Variants in CNBD1 observed in about 807,000 individuals in gnomAD.
CNBD1 encodes cyclic nucleotide-binding domain-containing protein 1.
In CNBD1, 71 loss-of-function variants were observed where a neutral mutation model predicts 54.4. The observed-to-expected ratio is 1.30, with a 90% CI of 1.08 to 1.59. CNBD1 has a LOEUF of 1.59. Ranked by LOEUF, CNBD1 falls within the 40% of genes most tolerant of loss-of-function variation. The pLI, the probability that CNBD1 is intolerant of heterozygous loss-of-function variation, is 0.00. For missense variants in CNBD1, 659 were observed against 518.0 expected (o/e 1.27, Z -2.64); for synonymous variants, 182 against 170.7 (o/e 1.07, Z -0.51).
intron 10 of CNBD1, among the ~76,000 whole-genome samples, chr8:87,360,166 G>A (rs1320090748): frequency 6.6e-6 from 1 of 151,888 alleles, no homozygotes; most frequent in East Asian, 1.9e-4. Context: ...TGTACTTCAA[G>A]ATAGGTAGAA....
chr8:87,284,929 A>G (rs2130870089), intron 7 of CNBD1, 114 bp downstream of exon 7: 2 of 742,160 alleles, frequency 2.7e-6, no homozygotes, highest in Non-Finnish European at 4.1e-6. Context: ...TTTTAATTTA[A>G]CCTAGAGACC....
At chr8:87,329,407 AG>A (rs1809766843) in intron 8 of CNBD1, among the ~76,000 whole-genome samples, 1 of 152,076 alleles carries the variant, frequency 6.6e-6, no homozygotes, top group African/African-American at 2.4e-5. Flanking sequence ...CTCCATACAC[AG>A]TTTTGAATTA....
chr8:87,242,632 T>A (rs141597344), intron 6 of CNBD1, among the ~76,000 whole-genome samples: 2 of 152,264 alleles, frequency 1.3e-5, no homozygotes, highest in East Asian at 3.9e-4. Flanking sequence ...ACATCTTACA[T>A]GTAATGATTG....
At chr8:86,873,919 A>C (rs1465547571) in intron 1 of CNBD1, among the ~76,000 whole-genome samples, 1 of 152,208 alleles carries the variant, frequency 6.6e-6, no homozygotes, top group Non-Finnish European at 1.5e-5. Flanking sequence ...ATTTTTAAAA[A>C]AACATTGTTA....
intron 6 of CNBD1, among the ~76,000 whole-genome samples, chr8:87,261,640 C>T (rs900463655): frequency 1.3e-5 from 2 of 151,768 alleles, no homozygotes; most frequent in Admixed American, 1.3e-4. Context: ...AATTTGAACA[C>T]TTAGCAGTCA....
At chr8:87,425,790 C>T (rs1808035650) in intron 2 of CNBD1, among the ~76,000 whole-genome samples, 1 of 152,008 alleles carries the variant, frequency 6.6e-6, no homozygotes, top group South Asian at 2.1e-4. Context: ...GTGCCCTGCC[C>T]CCAGAGGTGG....
chr8:87,193,878 C>T (rs537173009), intron 4 of CNBD1, among the ~76,000 whole-genome samples: 4 of 152,212 alleles, frequency 2.6e-5, no homozygotes, highest in South Asian at 2.1e-4. Context: ...AAGAGTTTAA[C>T]GGATAAAATA....
At chr8:87,037,340 C>G (rs1056502075) in intron 4 of CNBD1, among the ~76,000 whole-genome samples, 1 of 151,986 alleles carries the variant, frequency 6.6e-6, no homozygotes, top group South Asian at 2.1e-4. Context: ...ATTCATTTTC[C>G]TGAACATTTG....
intron 4 of CNBD1, among the ~76,000 whole-genome samples, chr8:87,151,960 A>G (rs1271940461): frequency 6.6e-6 from 1 of 152,088 alleles, no homozygotes; most frequent in Non-Finnish European, 1.5e-5. Context: ...TCATCATTAT[A>G]ATAATCACTT....
chr8:87,051,206 A>G (rs1270061402), intron 4 of CNBD1, among the ~76,000 whole-genome samples: 1 of 152,176 alleles, frequency 6.6e-6, no homozygotes. Flanking sequence ...CTTCCCTGAG[A>G]TGTCCATCAC....
chr8:87,353,022 A>G (rs886835306), intron 9 of CNBD1, among the ~76,000 whole-genome samples: 1 of 152,192 alleles, frequency 6.6e-6, no homozygotes, highest in African/African-American at 2.4e-5. Context: ...CCGCAAAGGT[A>G]ATTTGAGGTC....
chr8:87,381,098 A>C (rs1411056858), intron 10 of CNBD1, among the ~76,000 whole-genome samples: 1 of 152,108 alleles, frequency 6.6e-6, no homozygotes, highest in Non-Finnish European at 1.5e-5. Flanking sequence ...GAGCAAAGGC[A>C]ACCTATAGAA....
intron 4 of CNBD1, among the ~76,000 whole-genome samples, chr8:86,979,922 ATATTT>A (rs1487212726): frequency 2.6e-5 from 4 of 152,206 alleles, no homozygotes. Context: ...GACAGAAAAA[ATATTT>A]TAGATTGAAT....
intron 6 of CNBD1, among the ~76,000 whole-genome samples, chr8:87,267,306 C>T (rs1051035760): frequency 2.6e-5 from 4 of 151,974 alleles, no homozygotes; most frequent in Non-Finnish European, 4.4e-5. Flanking sequence ...AAAAATAAAT[C>T]TCAGTAAATA....
rs936380628 is a variant in CNBD1 at position 87,193,221 on chromosome 8, T to C, written c.432-12772T>C. Among the ~76,000 whole-genome samples, 7 of 152,326 alleles carry C rather than the reference T, an allele frequency of 4.6e-5. No homozygotes were observed. The East Asian group carries it at 1.3e-3, about 29-fold the overall frequency. On this transcript the variant is annotated intron_variant, in intron 4 of 10. Coordinates refer to ENST00000518476, the MANE Select transcript of CNBD1 (RefSeq NM_173538.3). ...TAGCATATGGGACTGAGCCTCATGTTAATATTTGGTTATTTATATTTGACC... is the reference window on the plus strand; with the variant it reads ...TAGCATATGGGACTGAGCCTCATGTCAATATTTGGTTATTTATATTTGACC...
rs1438421940 is a variant in CNBD1 at position 87,382,841 on chromosome 8, G to A, written c.*214G>A. On this transcript the variant is annotated 3_prime_UTR_variant, in exon 11 of 11. Coordinates refer to ENST00000518476, the MANE Select transcript of CNBD1 (RefSeq NM_173538.3). ...TGGTTTGGATACTAAAATAAATATAGTTATCATTGCTTGATTTACCTCTGT... is the reference window on the plus strand; with the variant it reads ...TGGTTTGGATACTAAAATAAATATAATTATCATTGCTTGATTTACCTCTGT... 9.4e-6 allele frequency: 4 copies of A among 425,444 alleles called. No homozygotes were observed. The highest frequency in any genetic ancestry group is 3.9e-5 in the Admixed American group (1 of 25,730). 26.4% of individuals were successfully genotyped at this position (425,444 alleles called of 1,614,324 possible).
chr8:87,162,411 T>G (rs1020699817), intron 4 of CNBD1, among the ~76,000 whole-genome samples: 2 of 152,124 alleles, frequency 1.3e-5, no homozygotes, highest in Non-Finnish European at 2.9e-5. Flanking sequence ...TGAAAATGTC[T>G]GCTTTAAGTA....
chr8:87,022,374 C>CT (rs563237618), intron 4 of CNBD1, among the ~76,000 whole-genome samples: 61 of 152,242 alleles, frequency 4.0e-4, no homozygotes, highest in African/African-American at 1.4e-3. Flanking sequence ...TGGGGCCCCT[C>CT]TTTGTTGTTA....
In CNBD1 at chr8:87,351,806, A is replaced by G; in HGVS notation, c.1152+12A>G. On this transcript the variant is annotated intron_variant, in intron 9 of 10. Transcript: ENST00000518476. ...GATCAAATAAAGTGGTAAGTTTTCA[A>G]CATGTATTCTTTTTAATCAATTAAT... 6.8e-7 allele frequency: 1 copy of G among 1,461,756 alleles called. No individual in the cohort carries two copies. Among genetic ancestry groups the G allele is most frequent in the South Asian group, 1.4e-5 (1 of 69,074 alleles). 90.5% of individuals were successfully genotyped at this position (1,461,756 alleles called of 1,614,324 possible). A position where few individuals can be genotyped will look rare whatever the true frequency, so the allele number is the denominator to read the frequency against.
Sources: allele counts gnomAD v4.1 joint callset (sites outside exome capture counted in the v4.1 genomes callset), GRCh38; gene constraint gnomAD v4.1.1; transcripts MANE v1.5; gene names NCBI Gene and HGNC (gene_info 2026-07-23, HGNC 2026-07-21).